HRH1: variants seen among roughly 807,000 people sequenced by gnomAD.
HRH1 encodes histamine receptor H1.
HRH1 carries 6 observed loss-of-function variants against 10.3 expected under a neutral mutation model. That is an observed-to-expected ratio of 0.58 (90% CI 0.32 to 1.15). HRH1 has a LOEUF of 1.15. Among genes scored for constraint, HRH1 ranks in the 50% most tolerant of loss-of-function variants. The pLI is 0.05. For missense variants in HRH1, 514 were observed against 615.3 expected (o/e 0.84, Z 1.74); for synonymous variants, 242 against 236.7 (o/e 1.02, Z -0.21).
chr3:11,154,485 C>T (rs1380948383), upstream of HRH1: 7 of 390 alleles, frequency 0.018, no homozygotes, highest in African/African-American at 0.23. The surrounding 1 kb of genome is among the most constrained non-coding windows in gnomAD (Gnocchi z 4.4). Flanking sequence ...CCCGCCGCCG[C>T]CCCCGCGACA....
intron 1 of HRH1, among the ~76,000 whole-genome samples, chr3:11,168,596 A>G (rs1246665810): frequency 6.6e-6 from 1 of 152,258 alleles, no homozygotes. Flanking sequence ...ACAATGCCAC[A>G]GTTGGTTGCC....
chr3:11,169,009 G>A lies in HRH1; in HGVS notation c.-36+14455G>A, dbSNP rs367712127. Among the ~76,000 whole-genome samples, 186 of 152,348 alleles carry A rather than the reference G, an allele frequency of 1.2e-3. No individual in the cohort carries two copies. In the South Asian group the frequency reaches 0.037, roughly 31 times the overall value. On this transcript the variant is annotated intron_variant, in intron 1 of 1. Coordinates refer to ENST00000431010, the MANE Select transcript of HRH1 (RefSeq NM_001098212.2). The stretch of plus-strand genomic sequence containing the variant: ...GAAGGGATTCACACACAGGCCTGCA[G>A]CAAGGAGCTGAGCTCTCGCCTGAAC...
At chr3:11,238,616 A>G (rs1230294008) in intron 1 of HRH1, among the ~76,000 whole-genome samples, 2 of 152,240 alleles carry the variant, frequency 1.3e-5, no homozygotes, top group African/African-American at 2.4e-5. Flanking sequence ...TCGTTAGTAA[A>G]TGTACAGAGT....
intron 1 of HRH1, among the ~76,000 whole-genome samples, chr3:11,210,126 T>C (rs1316325570): frequency 6.6e-6 from 1 of 152,204 alleles, no homozygotes; most frequent in Non-Finnish European, 1.5e-5. Flanking sequence ...ATGCAGTGGC[T>C]CATGCCTGTA....
intron 1 of HRH1, among the ~76,000 whole-genome samples, chr3:11,212,139 T>C (rs1193168233): frequency 6.6e-6 from 1 of 152,158 alleles, no homozygotes; most frequent in Non-Finnish European, 1.5e-5. Context: ...AGATATGATA[T>C]CCTTTTGCCT....
At chr3:11,176,224 T>G (rs1937246516) in intron 1 of HRH1, among the ~76,000 whole-genome samples, 1 of 152,034 alleles carries the variant, frequency 6.6e-6, no homozygotes, top group African/African-American at 2.4e-5. Flanking sequence ...AATGAGTTTT[T>G]GCATTTACAG....
intron 1 of HRH1, among the ~76,000 whole-genome samples, chr3:11,208,307 T>G (rs1575013124): frequency 6.6e-6 from 1 of 152,090 alleles, no homozygotes; most frequent in East Asian, 1.9e-4. Flanking sequence ...CATGTACCAC[T>G]GCGCCCAGCT....
At chr3:11,160,989 T>G (rs1165203170) in intron 1 of HRH1, among the ~76,000 whole-genome samples, 1 of 152,190 alleles carries the variant, frequency 6.6e-6, no homozygotes, top group Non-Finnish European at 1.5e-5. Flanking sequence ...GGAGAGTTGT[T>G]TCTGCCTCCA....
chr3:11,197,813 A>G (rs898819966), intron 1 of HRH1, among the ~76,000 whole-genome samples: 1 of 152,076 alleles, frequency 6.6e-6, no homozygotes, highest in Admixed American at 6.6e-5. Context: ...TGCTGTCTAC[A>G]CTGTTTGTAA....
chr3:11,260,510 C>G lies in HRH1; in HGVS notation c.*9C>G. The stretch of plus-strand genomic sequence containing the variant: ...TGCATATTCGCTCCTAAGGGAGGCT[C>G]TGAGGGGATGCAACAAAATGATCCT... On this transcript the variant is annotated 3_prime_UTR_variant, in exon 2 of 2. Transcript: ENST00000431010. The G allele has an allele frequency of 6.4e-7, 1 of 1,564,674 alleles. No individual in the cohort carries two copies.
chr3:11,193,291 G>T (rs1328226507), intron 1 of HRH1, among the ~76,000 whole-genome samples: 1 of 151,692 alleles, frequency 6.6e-6, no homozygotes, highest in African/African-American at 2.4e-5. Context: ...ATCTGACTCA[G>T]TTGGCAAAAT....
chr3:11,172,704 CTTTTTTT>C (rs537415650), intron 1 of HRH1, among the ~76,000 whole-genome samples: 2 of 130,928 alleles, frequency 1.5e-5, no homozygotes, highest in East Asian at 4.8e-4. Context: ...TTTGGCGAAT[CTTTTTTT>C]TTTTTTTTTG....
At chr3:11,154,399 TCCC>T (rs909682519), upstream of HRH1, 7 of 150,880 alleles carry the variant, frequency 4.6e-5, no homozygotes, top group African/African-American at 1.7e-4. The surrounding 1 kb of genome is among the most constrained non-coding windows in gnomAD (Gnocchi z 4.4). Context: ...GTCCCCGCCT[TCCC>T]CGCTGCTCGC....
At chr3:11,152,324 A>C (rs1405111997), upstream of HRH1, among the ~76,000 whole-genome samples, 3 of 151,688 alleles carry the variant, frequency 2.0e-5, no homozygotes. Context: ...CTGCTCCCCA[A>C]CCCCTCATAC....
intron 1 of HRH1, among the ~76,000 whole-genome samples, chr3:11,206,363 C>T (rs1195973150): frequency 6.6e-6 from 1 of 152,230 alleles, no homozygotes; most frequent in Admixed American, 6.5e-5. Flanking sequence ...GGTGATCTGC[C>T]TGCTTCGGCC....
At chr3:11,242,532 T>A (rs1204282196) in intron 1 of HRH1, among the ~76,000 whole-genome samples, 1 of 140,734 alleles carries the variant, frequency 7.1e-6, no homozygotes, top group Non-Finnish European at 1.5e-5. Context: ...ACTGCAAAGG[T>A]CTGCGTCGCC....
chr3:11,248,303 C>T (rs548667057), intron 1 of HRH1, among the ~76,000 whole-genome samples: 2 of 152,166 alleles, frequency 1.3e-5, no homozygotes, highest in African/African-American at 4.8e-5. Flanking sequence ...AAGCTACATT[C>T]TTGTTTACAG....
intron 1 of HRH1, among the ~76,000 whole-genome samples, chr3:11,257,923 C>T (rs2152589569): frequency 6.6e-6 from 1 of 152,282 alleles, no homozygotes; most frequent in Admixed American, 6.5e-5. Flanking sequence ...GCAATCCTCC[C>T]ACCTCAGACT....
At chr3:11,230,685 C>T (rs2125043950) in intron 1 of HRH1, among the ~76,000 whole-genome samples, 1 of 152,314 alleles carries the variant, frequency 6.6e-6, no homozygotes, top group East Asian at 1.9e-4. Flanking sequence ...TTAGGAAGCA[C>T]TGGCCTAGAC....
Sources: allele counts gnomAD v4.1 joint callset (sites outside exome capture counted in the v4.1 genomes callset), GRCh38; gene constraint gnomAD v4.1.1; non-coding constraint Gnocchi (gnomAD v3.1); transcripts MANE v1.5; gene names NCBI Gene and HGNC (gene_info 2026-07-23, HGNC 2026-07-21).